The following RABGAP1L variants were observed in gnomAD, a reference collection of about 807,000 sequenced individuals.
RABGAP1L encodes RAB GTPase activating protein 1 like, also known as rab GTPase-activating protein 1-like.
A neutral mutation model predicts 137.7 loss-of-function variants in RABGAP1L; 63 were observed. The observed-to-expected ratio is 0.46, with a 90% CI of 0.37 to 0.56. The LOEUF (loss-of-function observed/expected upper bound fraction) is 0.56. Ranked by LOEUF, RABGAP1L falls within the 20% of genes least tolerant of loss-of-function variation. RABGAP1L has a pLI of 0.00. For synonymous variants in RABGAP1L, 431 were observed against 433.7 expected, an observed-to-expected ratio of 0.99 and a Z score of 0.08; for missense variants, 1,095 against 1,244.0, an observed-to-expected ratio of 0.88 and a Z score of 1.80.
At chr1:174,233,910 C>T (rs2148517648) in intron 4 of RABGAP1L, among the ~76,000 whole-genome samples, 1 of 111,700 alleles carries the variant, frequency 9.0e-6, no homozygotes, top group East Asian at 2.5e-4. Flanking sequence ...TATTTCTCCA[C>T]ATCCTCTCCA....
intron 18 of RABGAP1L, among the ~76,000 whole-genome samples, chr1:174,759,373 T>C (rs1222262024): frequency 1.3e-5 from 2 of 150,376 alleles, no homozygotes; most frequent in African/African-American, 4.9e-5. Flanking sequence ...GGTGGGCGGA[T>C]CACTGGAGGT....
intron 10 of RABGAP1L, among the ~76,000 whole-genome samples, chr1:174,300,592 T>C (rs1024324712): frequency 5.3e-5 from 8 of 151,540 alleles, no homozygotes; most frequent in Non-Finnish European, 1.0e-4. Context: ...AGTTTGATTT[T>C]GGGAAGGCTG....
intron 19 of RABGAP1L, among the ~76,000 whole-genome samples, chr1:174,946,349 C>CT (rs1283971907): frequency 6.6e-6 from 1 of 151,996 alleles, no homozygotes; most frequent in East Asian, 1.9e-4. Context: ...TCAAAAAGAC[C>CT]TTTTGGGTAG....
intron 13 of RABGAP1L, among the ~76,000 whole-genome samples, chr1:174,543,256 TG>T (rs2147944217): frequency 6.6e-6 from 1 of 152,328 alleles, no homozygotes; most frequent in African/African-American, 2.4e-5. Flanking sequence ...ACTCAGGACT[TG>T]CTTTATGAAT....
chr1:174,946,915 AAAAT>A (rs1291316544), intron 19 of RABGAP1L, among the ~76,000 whole-genome samples: 64 of 53,916 alleles, frequency 1.2e-3, no homozygotes, highest in South Asian at 1.9e-3. Flanking sequence ...AAAAAAAAAA[AAAAT>A]ATATATATAT....
In RABGAP1L at chr1:174,828,505, C is replaced by T. The variant is rs964082532; in HGVS notation, c.2340+16545C>T. ...GTGGAGTGCCTGGAGAAGGCAGAGG[C>T]TTTGGGAGTGGACAAGTCTAGGTTT... On this transcript the variant is annotated intron_variant, in intron 19 of 25. Transcript: ENST00000681986. 3.2e-4 allele frequency among the ~76,000 whole-genome samples: 47 copies of T among 148,158 alleles called. 4 individuals carry two copies. The highest frequency in any genetic ancestry group is 1.1e-3 in the African/African-American group (43 of 40,666).
chr1:174,888,474 A>T (rs1434729085), intron 19 of RABGAP1L, among the ~76,000 whole-genome samples: 1 of 152,072 alleles, frequency 6.6e-6, no homozygotes, highest in African/African-American at 2.4e-5. Flanking sequence ...TCTTCCTCTT[A>T]ATGGTATAGA....
At chr1:174,441,498 G>T (rs900218664) in intron 13 of RABGAP1L, among the ~76,000 whole-genome samples, 11 of 152,152 alleles carry the variant, frequency 7.2e-5, no homozygotes, top group Non-Finnish European at 1.3e-4. Flanking sequence ...ACTTTGGGAG[G>T]CTGAGGGGGG....
At chr1:174,665,957 C>T (rs1056149619) in intron 14 of RABGAP1L, among the ~76,000 whole-genome samples, 4 of 152,144 alleles carry the variant, frequency 2.6e-5, no homozygotes, top group South Asian at 2.1e-4. Flanking sequence ...TGTATTCTTG[C>T]GTACTATATT....
intron 13 of RABGAP1L, among the ~76,000 whole-genome samples, chr1:174,570,961 C>T (rs989736063): frequency 6.6e-6 from 1 of 152,150 alleles, no homozygotes; most frequent in Non-Finnish European, 1.5e-5. Context: ...GAAGAGATAC[C>T]TGCACTTCCA....
intron 13 of RABGAP1L, among the ~76,000 whole-genome samples, chr1:174,472,772 G>T (rs1236293658): frequency 1.3e-5 from 2 of 152,154 alleles, no homozygotes; most frequent in African/African-American, 2.4e-5. Context: ...CTCAGAAGGA[G>T]TTTAACATGC....
At chr1:174,824,488 CTG>C (rs1691373670) in intron 19 of RABGAP1L, among the ~76,000 whole-genome samples, 1 of 152,016 alleles carries the variant, frequency 6.6e-6, no homozygotes, top group South Asian at 2.1e-4. Context: ...GAGCAAGACT[CTG>C]TCTCTAAATA....
intron 13 of RABGAP1L, among the ~76,000 whole-genome samples, chr1:174,518,301 G>T (rs1197730568): frequency 1.3e-5 from 2 of 152,026 alleles, no homozygotes; most frequent in African/African-American, 4.8e-5. Context: ...AGGGGGGATT[G>T]GTTTCAGGAC....
intron 1 of RABGAP1L, among the ~76,000 whole-genome samples, chr1:174,184,191 A>G (rs1411118007): frequency 6.6e-6 from 1 of 152,136 alleles, no homozygotes; most frequent in Non-Finnish European, 1.5e-5. Context: ...ACCTAGTAAA[A>G]TGCATTTACT....
At chr1:174,520,251 A>G (rs1663247347) in intron 13 of RABGAP1L, among the ~76,000 whole-genome samples, 1 of 152,252 alleles carries the variant, frequency 6.6e-6, no homozygotes, top group African/African-American at 2.4e-5. Context: ...TAGATTGCAA[A>G]GCAATTCCAA....
In RABGAP1L at chr1:174,201,089, G is replaced by A. The variant is rs1327157635; in HGVS notation, c.-33-18036G>A. 2.6e-5 allele frequency among the ~76,000 whole-genome samples: 4 copies of A among 152,126 alleles called. No homozygotes were observed. The South Asian group carries it at 8.3e-4, about 32-fold the overall frequency. ...TTAGTCTGCTCCTATCATTATGGTA[G>A]TTTATAGAAACTATTTTTTAATTTT... On this transcript the variant is annotated intron_variant, in intron 1 of 25. Coordinates refer to ENST00000681986, the MANE Select transcript of RABGAP1L (RefSeq NM_001366446.1).
chr1:174,704,098 A>G (rs1347073803), intron 17 of RABGAP1L, among the ~76,000 whole-genome samples: 1 of 152,182 alleles, frequency 6.6e-6, no homozygotes, highest in Non-Finnish European at 1.5e-5. Flanking sequence ...GCCGGGTTCA[A>G]GCAATTCTCC....
rs372312584 is a variant in RABGAP1L, at chr1:174,547,017, G to A, written c.1711-90358G>A. Among the ~76,000 whole-genome samples, 228 of 107,288 alleles carry A rather than the reference G, an allele frequency of 2.1e-3. 2 individuals carry two copies. The highest frequency in any genetic ancestry group is 8.6e-3 in the African/African-American group (217 of 25,138). 70.4% of individuals were successfully genotyped at this position (107,288 alleles called of 152,430 possible). Reference sequence around the variant, plus strand: ...TGCACTCCAGCCTGGGCGAAAGAGCGAGACTCTGTCTCAAAAAAAAAAAAA... The same window carrying A: ...TGCACTCCAGCCTGGGCGAAAGAGCAAGACTCTGTCTCAAAAAAAAAAAAA... On this transcript the variant is annotated intron_variant, in intron 13 of 25. Coordinates refer to ENST00000681986, the MANE Select transcript of RABGAP1L (RefSeq NM_001366446.1).
chr1:174,284,402 T>C (rs1249172753), intron 10 of RABGAP1L, among the ~76,000 whole-genome samples: 1 of 152,244 alleles, frequency 6.6e-6, no homozygotes, highest in Non-Finnish European at 1.5e-5. Context: ...TTACCCATGT[T>C]ACTGCAAATG....
Sources: allele counts gnomAD v4.1 joint callset (sites outside exome capture counted in the v4.1 genomes callset), GRCh38; gene constraint gnomAD v4.1.1; transcripts MANE v1.5; gene names NCBI Gene and HGNC (gene_info 2026-07-23, HGNC 2026-07-21).